ABCB9: variants seen among roughly 807,000 people sequenced by gnomAD.
ABCB9 encodes ABC-type oligopeptide transporter ABCB9.
Under a neutral mutation model 62.0 loss-of-function variants are expected in ABCB9, and 36 were observed. The ratio of observed to expected loss-of-function variants is 0.58; its 90% CI spans 0.45 to 0.77. ABCB9 has a LOEUF of 0.77. Among genes scored for constraint, ABCB9 ranks in the 30% least tolerant of loss-of-function variants. The probability of loss-of-function intolerance (pLI) is 0.00; values close to 1 mark genes in which losing one functional copy is unlikely to be tolerated. For synonymous variants in ABCB9, 435 were observed against 461.4 expected (o/e 0.94, Z 0.73); for missense variants, 943 against 1,054.7 (o/e 0.89, Z 1.47).
In ABCB9 at chr12:122,949,877, A is replaced by G. The variant is rs2036261249; in HGVS notation, c.758T>C (p.Ile253Thr). The change falls in exon 4 of 12, where the codon ATA becomes ACA. Residue 253 changes from isoleucine to threonine, a missense_variant. Coordinates refer to ENST00000280560, the MANE Select transcript of ABCB9 (RefSeq NM_019625.4). ...AAGGCGAATGTTCAGTCTGGCAAAT[A>G]TGAGGGTAAAAATGCCGCCCCGAAT... ...AGIRGGIFTL[I>T]FARLNIRLRN... 1.2e-6 allele frequency: 2 copies of G among 1,614,026 alleles called. No individual in the cohort carries two copies. Among genetic ancestry groups the G allele is most frequent in the Admixed American group, 1.7e-5 (1 of 60,012 alleles).
In ABCB9 at chr12:122,960,263, G is replaced by A. The variant is rs187378164; in HGVS notation, c.-28C>T. On this transcript the variant is annotated 5_prime_UTR_variant, in exon 2 of 12. Coordinates refer to ENST00000280560, the MANE Select transcript of ABCB9 (RefSeq NM_019625.4). ...TGCTGGTTGGAGGTGGGCGGGTGCT[G>A]AAGGCCAGGTTGTAGCTCACGGGGG... 4.4e-6 allele frequency: 7 copies of A among 1,599,670 alleles called. No individual in the cohort carries two copies. Among genetic ancestry groups the A allele is most frequent in the African/African-American group, 1.3e-5 (1 of 74,914 alleles).
At chr12:122,945,548 C>T (rs1166342578) in intron 6 of ABCB9, among the ~76,000 whole-genome samples, 1 of 152,178 alleles carries the variant, frequency 6.6e-6, no homozygotes, top group South Asian at 2.1e-4. Context: ...TGCCACCCCA[C>T]GTCAGGTGAC....
At chr12:122,924,767 A>C (rs1358042114), downstream of ABCB9, 1 of 1,534,574 alleles carries the variant, frequency 6.5e-7, no homozygotes, top group Admixed American at 2.0e-5. Context: ...TGCTGTTCCC[A>C]AAGCCCTCGA....
intron 1 of ABCB9, among the ~76,000 whole-genome samples, chr12:122,963,748 GC>G (rs1458284174): frequency 6.6e-6 from 1 of 152,164 alleles, no homozygotes; most frequent in East Asian, 1.9e-4. Flanking sequence ...CCAAGCCTGG[GC>G]CCTGCTTTCA....
chr12:122,928,273 C>G (rs1372187866), downstream of ABCB9, among the ~76,000 whole-genome samples: 3 of 152,202 alleles, frequency 2.0e-5, no homozygotes, highest in Admixed American at 6.5e-5. Flanking sequence ...AGTTTGAGAC[C>G]AGCCTGGCCA....
At chr12:122,919,592 A>G (rs568914686), downstream of ABCB9, among the ~76,000 whole-genome samples, 40 of 152,000 alleles carry the variant, frequency 2.6e-4, no homozygotes, top group Non-Finnish European at 5.0e-4. Flanking sequence ...TCCCCAGACC[A>G]CCCCAGCTCA....
At position 122,946,010 on chromosome 12, in the gene ABCB9, G is replaced by C; in HGVS notation, c.1251+15C>G. On this transcript the variant is annotated intron_variant, in intron 6 of 11. Coordinates refer to ENST00000280560, the MANE Select transcript of ABCB9 (RefSeq NM_019625.4). ...ATCCCTCCACAGCCAGAGCTGCCTG[G>C]CCAGGGGCACGTACCCCGCTGCCCC... 1.9e-6 allele frequency: 3 copies of C among 1,612,242 alleles called. No homozygotes were observed. Among genetic ancestry groups the C allele is most frequent in the Middle Eastern group, 1.7e-4 (1 of 6,016 alleles).
chr12:122,960,797 T>C (rs1234046074), intron 1 of ABCB9, among the ~76,000 whole-genome samples: 1 of 149,426 alleles, frequency 6.7e-6, no homozygotes, highest in Non-Finnish European at 1.5e-5. Context: ...AAATAATGTG[T>C]GTCTTGTGAG....
chr12:122,932,388 A>G lies in ABCB9; in HGVS notation c.1904-60T>C. The G allele has an allele frequency of 6.6e-7, 1 of 1,509,010 alleles. No homozygotes were observed. The highest frequency in any genetic ancestry group is 8.9e-7 in the Non-Finnish European group (1 of 1,122,400). 93.5% of individuals were successfully genotyped at this position (1,509,010 alleles called of 1,614,324 possible). ...GGGTGAGGCCGGGCAGCACCGGGGA[A>G]GAGTGAGAGGCCCTGCCCTGCAGCT... On this transcript the variant is annotated intron_variant, in intron 10 of 11. Transcript: ENST00000280560. This position sits in a 1 kb window ranked among gnomAD's most constrained non-coding sequence, Gnocchi z 4.7.
Position 122,948,639 on chromosome 12 carries a change from G to A in ABCB9, c.1038C>T (p.Tyr346=), listed in dbSNP as rs144110457. The stretch of plus-strand genomic sequence containing the variant: ...GCAGGCCTACCTTGTAGTACTTGCC[G>A]TAGATGTTGGACACCATCATGATGA... ...FPIIMMVSNI[Y]GKYYKRLSKE... Residue 346 remains tyrosine, a synonymous_variant, in exon 5 of 12, where the codon TAC becomes TAT. Coordinates refer to ENST00000280560, the MANE Select transcript of ABCB9 (RefSeq NM_019625.4). 308 of 1,612,570 alleles carry A rather than the reference G, an allele frequency of 1.9e-4. No homozygotes were observed. The highest frequency in any genetic ancestry group is 4.0e-4 in the African/African-American group (30 of 75,010).
intron 11 of ABCB9, chr12:122,921,085 C>CA: frequency 1.3e-6 from 2 of 1,533,172 alleles, no homozygotes; most frequent in Non-Finnish European, 1.7e-6. Context: ...TCAAAGGAAA[C>CA]ATTGGGAGTC....
rs1398344914 is a variant in ABCB9, at chr12:122,959,728, A to T, written c.508T>A (p.Ser170Thr). The T allele has an allele frequency of 6.2e-7, 1 of 1,611,078 alleles. No homozygotes were observed. Among genetic ancestry groups the T allele is most frequent in the Middle Eastern group, 1.7e-4 (1 of 6,044 alleles). The change falls in exon 2 of 12, where the codon TCT becomes ACT. Residue 170 changes from serine (S) to threonine (T), a missense_variant. Coordinates refer to ENST00000280560, the MANE Select transcript of ABCB9 (RefSeq NM_019625.4). The surrounding 1 kb of genome is among the most constrained non-coding windows in gnomAD (Gnocchi z 5.4). ...GSGRPPPEQA[S>T]GATLQKLLSY... ...AGCAGCTTCTGCAGCGTGGCCCCAG[A>T]CGCCTGCTCGGGCGGTGGCCGGCCG...
At chr12:122,943,766 C>T (rs2035891066) in intron 7 of ABCB9, among the ~76,000 whole-genome samples, 1 of 151,244 alleles carries the variant, frequency 6.6e-6, no homozygotes, top group Admixed American at 6.6e-5. Flanking sequence ...AGGTGTGAGC[C>T]ACCGCACCTG....
At chr12:122,919,341 T>A (rs2034691941), downstream of ABCB9, among the ~76,000 whole-genome samples, 1 of 151,802 alleles carries the variant, frequency 6.6e-6, no homozygotes, top group Non-Finnish European at 1.5e-5. Context: ...CCTGGCTGAT[T>A]TTTAAATTTT....
At chr12:122,925,136 G>A (rs1469118391), downstream of ABCB9, among the ~76,000 whole-genome samples, 1 of 152,164 alleles carries the variant, frequency 6.6e-6, no homozygotes, top group Non-Finnish European at 1.5e-5. Context: ...GCCCAGGCTG[G>A]TCTTGAACTC....
At position 122,930,034 on chromosome 12, in the gene ABCB9, C is replaced by T; in HGVS notation, c.2178G>A (p.Gln726=). Residue 726 remains glutamine (Q), a synonymous_variant, in exon 12 of 12, where the codon CAG becomes CAA. Coordinates refer to ENST00000280560, the MANE Select transcript of ABCB9 (RefSeq NM_019625.4). This position sits in a 1 kb window ranked among gnomAD's most constrained non-coding sequence, Gnocchi z 4.9. ...GRVVQQGTHQ[Q]LLAQGGLYAK... ...CGTAGAGGCCGCCCTGGGCCAGCAG[C>T]TGCTGGTGGGTGCCCTGCTGCACTA... is the stretch of plus-strand genomic sequence containing the variant. The T allele has an allele frequency of 6.4e-7, 1 of 1,573,332 alleles. No homozygotes were observed.
downstream of ABCB9, among the ~76,000 whole-genome samples, chr12:122,919,204 C>G (rs745706429): frequency 3.3e-5 from 5 of 152,236 alleles, no homozygotes; most frequent in Admixed American, 1.3e-4. Context: ...CGAGGTCTCA[C>G]TCTGTCATCC....
Position 122,959,721 on chromosome 12 carries a change from G to A in ABCB9, c.515C>T (p.Ala172Val). 1 of 1,610,740 alleles carries A rather than the reference G, an allele frequency of 6.2e-7. No individual in the cohort carries two copies. Among genetic ancestry groups the A allele is most frequent in the Non-Finnish European group, 8.5e-7 (1 of 1,178,292 alleles). The change falls in exon 2 of 12, where the codon GCC becomes GTC. Residue 172 changes from alanine to valine, a missense_variant. Transcript: ENST00000280560. This position sits in a 1 kb window ranked among gnomAD's most constrained non-coding sequence, Gnocchi z 5.4. Reference protein sequence around the residue: ...GRPPPEQASGATLQKLLSYTK... With the variant: ...GRPPPEQASGVTLQKLLSYTK... ...GTAGGAGAGCAGCTTCTGCAGCGTG[G>A]CCCCAGACGCCTGCTCGGGCGGTGG...
chr12:122,927,294 C>T (rs1182818250), downstream of ABCB9, among the ~76,000 whole-genome samples: 2 of 152,110 alleles, frequency 1.3e-5, no homozygotes, highest in Non-Finnish European at 2.9e-5. Context: ...GCCTCAGCCT[C>T]CCGAGTAGCT....
Sources: allele counts gnomAD v4.1 joint callset (sites outside exome capture counted in the v4.1 genomes callset), GRCh38; gene constraint gnomAD v4.1.1; non-coding constraint Gnocchi (gnomAD v3.1); transcripts MANE v1.5; gene names NCBI Gene and HGNC (gene_info 2026-07-23, HGNC 2026-07-21).